NKAIN3: variants seen among roughly 807,000 people sequenced by gnomAD.
NKAIN3 encodes the protein sodium/potassium transporting ATPase interacting 3, also known as sodium/potassium-transporting ATPase subunit beta-1-interacting protein 3.
In NKAIN3, 25 loss-of-function variants were observed where a neutral mutation model predicts 30.2. That is an observed-to-expected ratio of 0.83 (90% CI 0.60 to 1.16). The LOEUF is 1.16. Among genes scored for constraint, NKAIN3 ranks in the 50% most tolerant of loss-of-function variants. NKAIN3 has a pLI of 0.00. For synonymous variants in NKAIN3, 91 were observed against 89.6 expected, an observed-to-expected ratio of 1.02 and a Z score of -0.09; for missense variants, 225 against 254.1, an observed-to-expected ratio of 0.89 and a Z score of 0.78.
chr8:62,956,443 G>T (rs1823420661), intron 6 of NKAIN3, among the ~76,000 whole-genome samples: 1 of 152,160 alleles, frequency 6.6e-6, no homozygotes, highest in Non-Finnish European at 1.5e-5. Flanking sequence ...CCAGCCAACA[G>T]CTCATTCCTA....
Position 62,642,390 on chromosome 8 carries a change from A to C in NKAIN3, c.273+52596A>C, listed in dbSNP as rs546199546. The stretch of plus-strand genomic sequence containing the variant: ...CATTTTCTATATTTATTATCATAAC[A>C]CATTCTCACACCTATAGAGTAGTTT... On this transcript the variant is annotated intron_variant, in intron 3 of 6. Coordinates refer to ENST00000623646, the MANE Select transcript of NKAIN3 (RefSeq NM_001304533.3). Among the ~76,000 whole-genome samples, 6 of 152,230 alleles carry C rather than the reference A, an allele frequency of 3.9e-5. No individual in the cohort carries two copies. In the East Asian group the frequency reaches 9.7e-4, roughly 25 times the overall value.
At chr8:62,617,570 C>T (rs1158257028) in intron 3 of NKAIN3, among the ~76,000 whole-genome samples, 1 of 152,150 alleles carries the variant, frequency 6.6e-6, no homozygotes, top group Non-Finnish European at 1.5e-5. Flanking sequence ...ACTCAGGGAG[C>T]TTGTTTCCTC....
At chr8:62,582,639 A>G (rs1030485017) in intron 2 of NKAIN3, among the ~76,000 whole-genome samples, 52 of 152,260 alleles carry the variant, frequency 3.4e-4, no homozygotes, top group African/African-American at 1.2e-3. Flanking sequence ...GGTCCATAGA[A>G]GGGGGACTAT....
chr8:62,810,177 G>A (rs1274600255), intron 4 of NKAIN3, among the ~76,000 whole-genome samples: 1 of 152,092 alleles, frequency 6.6e-6, no homozygotes, highest in Non-Finnish European at 1.5e-5. Flanking sequence ...TTCCTTAGCT[G>A]CACGTTGAGA....
intron 4 of NKAIN3, among the ~76,000 whole-genome samples, chr8:62,827,713 G>C (rs575388071): frequency 6.6e-6 from 1 of 152,012 alleles, no homozygotes; most frequent in Non-Finnish European, 1.5e-5. Context: ...AAACAAATAA[G>C]AGTAGACAAT....
At chr8:62,737,140 C>A (rs1815699995) in intron 3 of NKAIN3, among the ~76,000 whole-genome samples, 1 of 152,090 alleles carries the variant, frequency 6.6e-6, no homozygotes, top group Admixed American at 6.5e-5. Context: ...GACCTTGGAG[C>A]AAAAGTTCAT....
intron 4 of NKAIN3, among the ~76,000 whole-genome samples, chr8:62,815,120 A>C (rs1029600395): frequency 1.3e-4 from 20 of 152,296 alleles, no homozygotes; most frequent in African/African-American, 1.9e-4. Flanking sequence ...GAAAATCTAG[A>C]AGAAATGGAT....
intron 4 of NKAIN3, among the ~76,000 whole-genome samples, chr8:62,747,718 C>CA (rs1290977580): frequency 6.6e-6 from 1 of 152,188 alleles, no homozygotes; most frequent in Non-Finnish European, 1.5e-5. Flanking sequence ...CAGACTGCCC[C>CA]ACTCACAGTT....
At chr8:62,601,822 T>C (rs1445704547) in intron 3 of NKAIN3, among the ~76,000 whole-genome samples, 2 of 152,036 alleles carry the variant, frequency 1.3e-5, no homozygotes, top group African/African-American at 4.8e-5. Context: ...GAAATGTAAA[T>C]ATAGGTGTGA....
At chr8:62,380,242 G>C (rs1817230830) in intron 1 of NKAIN3, among the ~76,000 whole-genome samples, 1 of 152,148 alleles carries the variant, frequency 6.6e-6, no homozygotes, top group African/African-American at 2.4e-5. Flanking sequence ...TTAATAAATA[G>C]TTTGCATTTT....
rs59854103 is a variant in NKAIN3, at chr8:62,932,995, A to AACACACACACACACAC, written c.532+14501_532+14516dup. The stretch of plus-strand genomic sequence containing the variant: ...TAACTACCCCAAGCCTCACTCAATG[A>AACACACACACACACAC]ACACACACACACACACACACACACA... On this transcript the variant is annotated intron_variant, in intron 5 of 6. Coordinates refer to ENST00000623646, the MANE Select transcript of NKAIN3 (RefSeq NM_001304533.3). 4.0e-3 allele frequency among the ~76,000 whole-genome samples: 564 copies of AACACACACACACACAC among 141,870 alleles called. 4 individuals are homozygous for AACACACACACACACAC. Among genetic ancestry groups the AACACACACACACACAC allele is most frequent in the African/African-American group, 0.012 (430 of 37,182 alleles). 93.1% of individuals were successfully genotyped at this position (141,870 alleles called of 152,430 possible).
At chr8:62,266,619 C>T (rs1219134342) in intron 1 of NKAIN3, among the ~76,000 whole-genome samples, 3 of 152,020 alleles carry the variant, frequency 2.0e-5, no homozygotes, top group Non-Finnish European at 2.9e-5. Context: ...AGTCAGGAGG[C>T]GGGACTCGAC....
chr8:62,521,202 C>T (rs16929105), intron 1 of NKAIN3, among the ~76,000 whole-genome samples: 10 of 151,730 alleles, frequency 6.6e-5, no homozygotes, highest in Admixed American at 6.6e-4. Flanking sequence ...TCGCACCAAT[C>T]GTCTCTCAAG....
chr8:62,804,412 G>A (rs1244750487), intron 4 of NKAIN3, among the ~76,000 whole-genome samples: 2 of 152,110 alleles, frequency 1.3e-5, no homozygotes, highest in African/African-American at 4.8e-5. Context: ...TAAAATACTG[G>A]CAAACCAAAT....
chr8:62,273,365 A>G (rs1812833448), intron 1 of NKAIN3, among the ~76,000 whole-genome samples: 1 of 152,114 alleles, frequency 6.6e-6, no homozygotes. Flanking sequence ...GCTTTTATGT[A>G]TTAATAGTTC....
At position 62,579,616 on chromosome 8, in the gene NKAIN3, A is replaced by T. The variant is rs148163736; in HGVS notation, c.132A>T (p.Ile44=). 6.2e-7 allele frequency: 1 copy of T among 1,609,332 alleles called. No homozygotes were observed. Among genetic ancestry groups the T allele is most frequent in the African/African-American group, 1.3e-5 (1 of 74,934 alleles). ...CTATTCTTGGAAATTTTCTACACAT[A>T]ATAGTTGTCATATTGGGTTTGTTTG... ...WAPILGNFLH[I]IVVILGLFGT... is the part of the protein sequence containing the mutation. Residue 44 remains isoleucine, a synonymous_variant, in exon 2 of 7, where the codon ATA becomes ATT. Transcript: ENST00000623646.
At chr8:62,307,410 C>G (rs1033765554) in intron 1 of NKAIN3, among the ~76,000 whole-genome samples, 4 of 149,984 alleles carry the variant, frequency 2.7e-5, no homozygotes, top group Non-Finnish European at 5.9e-5. Context: ...CCCTATCTCT[C>G]TGCCCTTTTA....
intron 1 of NKAIN3, among the ~76,000 whole-genome samples, chr8:62,342,235 CAA>C (rs3058285): frequency 9.6e-5 from 12 of 124,746 alleles, no homozygotes; most frequent in African/African-American, 2.2e-4. Flanking sequence ...ACCACTGAAC[CAA>C]AAAAAAAAAA....
chr8:62,539,121 T>C (rs1188892462), intron 1 of NKAIN3, among the ~76,000 whole-genome samples: 2 of 152,222 alleles, frequency 1.3e-5, no homozygotes, highest in African/African-American at 2.4e-5. Context: ...CCTGTGTCTG[T>C]GTCCTGAAAC....
Sources: gnomAD v4.1 joint callset for allele counts (sites outside exome capture counted in the v4.1 genomes callset) on GRCh38, gnomAD v4.1.1 for gene constraint, MANE v1.5 for transcripts, NCBI Gene and HGNC (gene_info 2026-07-23, HGNC 2026-07-21) for gene names.